Variants in VAV3 observed in about 807,000 individuals in gnomAD.
VAV3 encodes the protein vav guanine nucleotide exchange factor 3.
A neutral mutation model predicts 131.2 loss-of-function variants in VAV3; 94 were observed. That is an observed-to-expected ratio of 0.72 (90% confidence interval 0.61 to 0.85). The LOEUF (loss-of-function observed/expected upper bound fraction) is 0.85, where lower values mean the gene tolerates loss of function less well. Among genes scored for constraint, VAV3 ranks in the 40% least tolerant of loss-of-function variants. The pLI is 0.00. For synonymous variants in VAV3, 349 were observed against 342.0 expected, an observed-to-expected ratio of 1.02 and a Z score of -0.22; for missense variants, 939 against 1,002.7, an observed-to-expected ratio of 0.94 and a Z score of 0.86.
At chr1:107,963,051 A>T (rs1238365920) in intron 1 of VAV3, among the ~76,000 whole-genome samples, 1 of 152,212 alleles carries the variant, frequency 6.6e-6, no homozygotes, top group Non-Finnish European at 1.5e-5. Context: ...AGTGAAACAC[A>T]TTCAAAACGA....
At position 107,572,033 on chromosome 1, in the gene VAV3, G is replaced by A. The variant is rs921840358; in HGVS notation, c.*1298C>T. 3.3e-5 allele frequency: 5 copies of A among 152,230 alleles called. No individual in the cohort carries two copies. The highest frequency in any genetic ancestry group is 2.6e-4 in the Admixed American group (4 of 15,282). 9.4% of individuals were successfully genotyped at this position (152,230 alleles called of 1,614,324 possible). A position where few individuals can be genotyped will look rare whatever the true frequency, so the allele number is the denominator to read the frequency against. ...TTGTCAGAACACAACTTCTGCTATG[G>A]AGGAAATATTTCCATCAGGAAAGGG... On this transcript the variant is annotated 3_prime_UTR_variant, in exon 27 of 27. Coordinates refer to ENST00000370056, the MANE Select transcript of VAV3 (RefSeq NM_006113.5).
At position 107,965,098 on chromosome 1, in the gene VAV3, C is replaced by A. The variant is rs1362160936; in HGVS notation, c.-229G>T. On this transcript the variant is annotated 5_prime_UTR_variant, in exon 1 of 27. Transcript: ENST00000370056. ...CGACCCGGCCGCCGCTGCAGCGAGT[C>A]CCGCGCGCTCTCCGTGCGCCCCGGC... 2 of 154,784 alleles carry A rather than the reference C, an allele frequency of 1.3e-5. No homozygotes were observed. The highest frequency in any genetic ancestry group is 2.8e-5 in the Non-Finnish European group (2 of 72,584). The allele number at this position is 154,784 out of a possible 1,614,324, so 9.6% of individuals were successfully genotyped here.
At chr1:107,842,496 T>C (rs1668767046) in intron 2 of VAV3, among the ~76,000 whole-genome samples, 1 of 152,162 alleles carries the variant, frequency 6.6e-6, no homozygotes, top group African/African-American at 2.4e-5. Context: ...GTTTCGGTAC[T>C]TCCACCCATC....
chr1:107,920,614 C>T (rs1286225884), intron 1 of VAV3, among the ~76,000 whole-genome samples: 2 of 152,200 alleles, frequency 1.3e-5, no homozygotes, highest in African/African-American at 2.4e-5. Flanking sequence ...GATGAAAAAG[C>T]TCCCCACCTA....
intron 25 of VAV3, among the ~76,000 whole-genome samples, chr1:107,577,343 AG>A (rs1649730995): frequency 6.6e-6 from 1 of 152,224 alleles, no homozygotes; most frequent in Non-Finnish European, 1.5e-5. Context: ...GCACCTCCGC[AG>A]GCAGCTATAT....
At position 107,709,124 on chromosome 1, in the gene VAV3, C is replaced by T. The variant is rs78898995; in HGVS notation, c.1503-4063G>A. Among the ~76,000 whole-genome samples the T allele has an allele frequency of 6.8e-3, 1,035 of 152,174 alleles. 16 individuals carry two copies. Among genetic ancestry groups the T allele is most frequent in the African/African-American group, 0.023 (964 of 41,526 alleles). Reference sequence around the variant, plus strand: ...TAACACTTTATGTAACATCTGATGCCGAGTTAAGTAGACCTCCTAGGCTTT... The same window carrying T: ...TAACACTTTATGTAACATCTGATGCTGAGTTAAGTAGACCTCCTAGGCTTT... On this transcript the variant is annotated intron_variant, in intron 15 of 26. Transcript: ENST00000370056.
At position 107,811,332 on chromosome 1, in the gene VAV3, C is replaced by A. The variant is rs539488124; in HGVS notation, c.322-31840G>T. On this transcript the variant is annotated intron_variant, in intron 2 of 26. Transcript: ENST00000370056. ...AATGAGCTTGACCACCAGATCTGCA[C>A]AGGGTAAGATACTGGGCATGACTGG... Among the ~76,000 whole-genome samples the A allele has an allele frequency of 1.4e-4, 22 of 152,254 alleles. No homozygotes were observed. The Middle Eastern group carries it at 0.014, about 94-fold the overall frequency.
intron 2 of VAV3, among the ~76,000 whole-genome samples, chr1:107,841,263 T>G (rs1444235546): frequency 1.3e-5 from 2 of 152,252 alleles, no homozygotes; most frequent in African/African-American, 4.8e-5. Flanking sequence ...CTCAACAAAG[T>G]TCATATTCTG....
intron 20 of VAV3, among the ~76,000 whole-genome samples, chr1:107,639,035 C>T (rs545124546): frequency 6.6e-6 from 1 of 151,964 alleles, no homozygotes; most frequent in South Asian, 2.1e-4. Flanking sequence ...TATATACACA[C>T]ATATGTATGG....
intron 1 of VAV3, among the ~76,000 whole-genome samples, chr1:107,945,496 G>A (rs1674205828): frequency 6.6e-6 from 1 of 152,080 alleles, no homozygotes; most frequent in East Asian, 1.9e-4. Flanking sequence ...AAATATAAGT[G>A]GCCCCTGCCA....
chr1:107,676,529 C>A (rs1041912090), intron 19 of VAV3, among the ~76,000 whole-genome samples: 2 of 152,154 alleles, frequency 1.3e-5, no homozygotes, highest in African/African-American at 4.8e-5. Flanking sequence ...CTAATGATAT[C>A]AGTTGGAGTC....
In VAV3 at chr1:107,617,567, A is replaced by C; in HGVS notation, c.1980T>G (p.Cys660Trp). ...AGAAAATTAAGATACTAATACTTAC[A>C]CATGGGCAAGGCTTGACTGCATCAC... ...FPSDAVKPCP[C>W]VPKPVDYSCQ... Residue 660 changes from cysteine (C) to tryptophan (W), a missense_variant and splice_region_variant, in exon 21 of 27, where the codon TGT becomes TGG. Transcript: ENST00000370056. 6.2e-7 allele frequency: 1 copy of C among 1,610,948 alleles called. No individual in the cohort carries two copies. The highest frequency in any genetic ancestry group is 8.5e-7 in the Non-Finnish European group (1 of 1,178,386).
At chr1:107,866,007 A>G (rs980836571) in intron 2 of VAV3, among the ~76,000 whole-genome samples, 9 of 152,122 alleles carry the variant, frequency 5.9e-5, no homozygotes, top group African/African-American at 1.7e-4. Context: ...ACAACATACT[A>G]AACACACTGT....
chr1:107,868,208 G>A (rs1469468802), intron 2 of VAV3, among the ~76,000 whole-genome samples: 1 of 152,070 alleles, frequency 6.6e-6, no homozygotes, highest in Non-Finnish European at 1.5e-5. Context: ...TAATTTGAGT[G>A]GGAAATACTT....
At chr1:107,943,735 C>G (rs1022692139) in intron 1 of VAV3, among the ~76,000 whole-genome samples, 1 of 152,128 alleles carries the variant, frequency 6.6e-6, no homozygotes, top group Non-Finnish European at 1.5e-5. Flanking sequence ...AGCGAGACTC[C>G]GTCTCAAAAC....
intron 1 of VAV3, among the ~76,000 whole-genome samples, chr1:107,886,091 T>G (rs911224579): frequency 1.3e-5 from 2 of 152,224 alleles, no homozygotes; most frequent in Non-Finnish European, 2.9e-5. Flanking sequence ...GCCAAAATTT[T>G]GGAGGAAATG....
At chr1:107,856,017 G>A (rs570474486) in intron 2 of VAV3, among the ~76,000 whole-genome samples, 1 of 152,336 alleles carries the variant, frequency 6.6e-6, no homozygotes, top group South Asian at 2.1e-4. Context: ...CAGCTAGGAA[G>A]CAACAGAAGC....
chr1:107,770,667 T>A lies in VAV3; in HGVS notation c.617A>T (p.Lys206Ile). ...TATTGACTCCAAAGTTTCTGTATAT[T>A]TTTCTTCTGTCTGCTTAATTTCTGC... ...CLAEIKQTEE[K>I]YTETLESIEK... is the part of the protein sequence containing the mutation. Residue 206 changes from lysine (K) to isoleucine (I), a missense_variant, in exon 6 of 27, where the codon AAA becomes ATA. Coordinates refer to ENST00000370056, the MANE Select transcript of VAV3 (RefSeq NM_006113.5). 6.2e-7 allele frequency: 1 copy of A among 1,612,328 alleles called. No individual in the cohort carries two copies. Among genetic ancestry groups the A allele is most frequent in the Admixed American group, 1.7e-5 (1 of 59,902 alleles).
chr1:107,765,163 G>C lies in VAV3; in HGVS notation c.834C>G (p.Tyr278Ter). 1 of 1,612,032 alleles carries C rather than the reference G, an allele frequency of 6.2e-7. No homozygotes were observed. The highest frequency in any genetic ancestry group is 8.5e-7 in the Non-Finnish European group (1 of 1,178,708). ...ACTCCACTCCACTGCAGTACTGCCC[G>C]TAAATAACCAATCTGAAAGGGAAAA... Reference protein sequence around the residue: ...FINYKERLVIYGQYCSGVESA... With the variant: ...FINYKERLVI Residue 278 changes from tyrosine to a stop codon, truncating the protein, a stop_gained, in exon 9 of 27, where the codon TAC (tyrosine) becomes TAG (stop). Coordinates refer to ENST00000370056, the MANE Select transcript of VAV3 (RefSeq NM_006113.5). LOFTEE classifies it high-confidence loss of function.
Sources: allele counts gnomAD v4.1 joint callset (sites outside exome capture counted in the v4.1 genomes callset), GRCh38; gene constraint gnomAD v4.1.1; transcripts MANE v1.5; gene names NCBI Gene and HGNC (gene_info 2026-07-23, HGNC 2026-07-21).